RASGRF2: variants seen among roughly 807,000 people sequenced by gnomAD.
The protein encoded by RASGRF2 is ras-specific guanine nucleotide-releasing factor 2.
In RASGRF2, 76 loss-of-function variants were observed where a neutral mutation model predicts 151.0. The ratio of observed to expected loss-of-function variants is 0.50; its 90% CI spans 0.42 to 0.61. The LOEUF (loss-of-function observed/expected upper bound fraction) is 0.61. Ranked by LOEUF, RASGRF2 falls within the 20% of genes least tolerant of loss-of-function variation. The probability of loss-of-function intolerance (pLI) is 0.00; values close to 1 mark genes in which losing one functional copy is unlikely to be tolerated. For synonymous variants in RASGRF2, 504 were observed against 566.5 expected (o/e 0.89, Z 1.57); for missense variants, 1,148 against 1,564.6 (o/e 0.73, Z 4.49).
intron 12 of RASGRF2, among the ~76,000 whole-genome samples, chr5:81,103,657 G>A (rs1033217509): frequency 2.6e-5 from 4 of 152,022 alleles, no homozygotes; most frequent in Middle Eastern, 3.2e-3. Flanking sequence ...TAGACACGTC[G>A]AGGTAAAACT....
intron 17 of RASGRF2, among the ~76,000 whole-genome samples, chr5:81,179,840 C>A (rs1754871957): frequency 6.6e-6 from 1 of 152,180 alleles, no homozygotes; most frequent in African/African-American, 2.4e-5. Context: ...AATGCTGACT[C>A]AAATACTTGG....
intron 1 of RASGRF2, among the ~76,000 whole-genome samples, chr5:81,031,042 A>G (rs1280107584): frequency 1.3e-5 from 2 of 152,230 alleles, no homozygotes; most frequent in Non-Finnish European, 2.9e-5. Context: ...AAAGATCAAA[A>G]GAGACAAAGA....
intron 17 of RASGRF2, among the ~76,000 whole-genome samples, chr5:81,153,613 T>C (rs762483106): frequency 1.2e-4 from 18 of 152,226 alleles, no homozygotes; most frequent in Non-Finnish European, 2.5e-4. Context: ...TATGTTGTTT[T>C]AAACCACTAA....
At position 81,073,568 on chromosome 5, in the gene RASGRF2, G is replaced by C. The variant is rs115303282; in HGVS notation, c.887+116G>C. The C allele has an allele frequency of 5.3e-3, 5,729 of 1,078,590 alleles. 54 individuals are homozygous for C. The highest frequency in any genetic ancestry group is 0.034 in the South Asian group (1,372 of 40,594). The allele number at this position is 1,078,590 out of a possible 1,614,324, so 66.8% of individuals were successfully genotyped here. ...AATTCATCTCTATTAGTTTATGATAGTAAAAATAAGAAAGCTATTACTTGT... is the reference window on the plus strand; with the variant it reads ...AATTCATCTCTATTAGTTTATGATACTAAAAATAAGAAAGCTATTACTTGT... On this transcript the variant is annotated intron_variant, in intron 5 of 26. Transcript: ENST00000265080.
chr5:81,161,205 A>G (rs1214700541), intron 17 of RASGRF2, among the ~76,000 whole-genome samples: 1 of 152,178 alleles, frequency 6.6e-6, no homozygotes, highest in Non-Finnish European at 1.5e-5. Context: ...CAAGGACTCA[A>G]TTTGAATTCC....
At chr5:81,074,156 T>G (rs1248348080) in intron 5 of RASGRF2, among the ~76,000 whole-genome samples, 1 of 152,194 alleles carries the variant, frequency 6.6e-6, no homozygotes, top group Admixed American at 6.5e-5. Context: ...ATTTGCTCAA[T>G]AAATCATTAG....
intron 2 of RASGRF2, among the ~76,000 whole-genome samples, chr5:81,055,473 G>A (rs1751170831): frequency 6.6e-6 from 1 of 152,172 alleles, no homozygotes; most frequent in Non-Finnish European, 1.5e-5. Flanking sequence ...TCCCAGGGAT[G>A]AAGCCCACTT....
intron 18 of RASGRF2, among the ~76,000 whole-genome samples, chr5:81,200,404 C>T (rs185044730): frequency 6.6e-6 from 1 of 152,184 alleles, no homozygotes; most frequent in East Asian, 1.9e-4. Context: ...TTATTACTCT[C>T]ATTATTCATT....
rs913005841 is a variant in RASGRF2 at position 80,980,515 on chromosome 5, G to A, written c.288+19489G>A. The stretch of plus-strand genomic sequence containing the variant: ...AAATTAGCCAGGCATGGTGGTGCAC[G>A]CCTATAATCCCAGCTACTCGGGAGG... On this transcript the variant is annotated intron_variant, in intron 1 of 26. Transcript: ENST00000265080. Among the ~76,000 whole-genome samples the A allele has an allele frequency of 4.6e-5, 7 of 152,122 alleles. No individual in the cohort carries two copies. The East Asian group carries it at 5.8e-4, about 13-fold the overall frequency.
chr5:81,136,297 CT>C (rs1487505395), intron 17 of RASGRF2, among the ~76,000 whole-genome samples: 3 of 152,106 alleles, frequency 2.0e-5, no homozygotes, highest in Admixed American at 1.3e-4. Flanking sequence ...GCGTAAAGAA[CT>C]TCTTTTAACA....
At chr5:81,077,482 G>A (rs921539795) in intron 5 of RASGRF2, among the ~76,000 whole-genome samples, 5 of 152,232 alleles carry the variant, frequency 3.3e-5, no homozygotes, top group African/African-American at 1.2e-4. Flanking sequence ...CGTGTCTGTA[G>A]ATGAGTGCAG....
At chr5:81,109,579 T>C (rs1752941167) in intron 13 of RASGRF2, among the ~76,000 whole-genome samples, 1 of 152,194 alleles carries the variant, frequency 6.6e-6, no homozygotes, top group Admixed American at 6.5e-5. Flanking sequence ...GGCAGGAGAA[T>C]CACTTGAACC....
chr5:81,050,265 A>G (rs997482857), intron 2 of RASGRF2, among the ~76,000 whole-genome samples: 2 of 152,152 alleles, frequency 1.3e-5, no homozygotes, highest in African/African-American at 2.4e-5. Context: ...TACAGTTACT[A>G]GAGTGCCCTT....
At chr5:81,025,660 T>G (rs567513444) in intron 1 of RASGRF2, among the ~76,000 whole-genome samples, 1 of 152,226 alleles carries the variant, frequency 6.6e-6, no homozygotes, top group East Asian at 1.9e-4. Flanking sequence ...TTTCTGTTTG[T>G]TGTCCGGAGG....
In RASGRF2 at chr5:80,963,999, GTTT is replaced by G. The variant is rs149116989; in HGVS notation, c.288+2987_288+2989del. 2.7e-3 allele frequency among the ~76,000 whole-genome samples: 381 copies of G among 141,650 alleles called. 1 individual carries two copies. The highest frequency in any genetic ancestry group is 7.7e-3 in the African/African-American group (303 of 39,472). The allele number at this position is 141,650 out of a possible 152,430, so 92.9% of individuals were successfully genotyped here. A position where few individuals can be genotyped will look rare whatever the true frequency, so the allele number is the denominator to read the frequency against. The stretch of plus-strand genomic sequence containing the variant: ...TTGGTTGACAACAACAAAAAAATCC[GTTT>G]TTTTTTTTTTTTTACACTTGGACTT... On this transcript the variant is annotated intron_variant, in intron 1 of 26. Transcript: ENST00000265080.
chr5:81,127,280 T>G, intron 17 of RASGRF2, 117 bp downstream of exon 17: 1 of 1,096,036 alleles, frequency 9.1e-7, no homozygotes. Flanking sequence ...TCCCAGCATT[T>G]TGGGAAGCCG....
At position 81,165,381 on chromosome 5, in the gene RASGRF2, T is replaced by C. The variant is rs114012178; in HGVS notation, c.2687-14794T>C. ...TTAAAAAGTAGGAAGAATCGAACAG[T>C]TGGACCGAGTCCCTACCATGTGTAA... On this transcript the variant is annotated intron_variant, in intron 17 of 26. Coordinates refer to ENST00000265080, the MANE Select transcript of RASGRF2 (RefSeq NM_006909.3). Among the ~76,000 whole-genome samples, 1,195 of 152,306 alleles carry C rather than the reference T, an allele frequency of 7.8e-3. 17 individuals are homozygous for C. Among genetic ancestry groups the C allele is most frequent in the African/African-American group, 0.027 (1,128 of 41,566 alleles).
intron 17 of RASGRF2, among the ~76,000 whole-genome samples, chr5:81,146,199 A>G (rs1033630127): frequency 6.6e-6 from 1 of 152,224 alleles, no homozygotes; most frequent in Non-Finnish European, 1.5e-5. Flanking sequence ...TTGAGAGCCT[A>G]GAGCAGTTTG....
intron 1 of RASGRF2, among the ~76,000 whole-genome samples, chr5:81,041,541 G>T (rs1413203962): frequency 1.3e-5 from 2 of 152,064 alleles, no homozygotes; most frequent in Admixed American, 6.6e-5. Context: ...TTCTGCTTTA[G>T]AACTGTGATC....
Sources: allele counts gnomAD v4.1 joint callset (sites outside exome capture counted in the v4.1 genomes callset), GRCh38; gene constraint gnomAD v4.1.1; transcripts MANE v1.5; gene names NCBI Gene and HGNC (gene_info 2026-07-23, HGNC 2026-07-21).